The following SHANK1 variants were observed in gnomAD, a reference collection of about 807,000 sequenced individuals.
The protein encoded by SHANK1 is SH3 and multiple ankyrin repeat domains protein 1.
SHANK1 carries 35 observed loss-of-function variants against 165.6 expected under a neutral mutation model. The ratio of observed to expected loss-of-function variants is 0.21; its 90% CI spans 0.16 to 0.28. SHANK1 has a LOEUF of 0.28. Among genes scored for constraint, SHANK1 ranks in the 10% least tolerant of loss-of-function variants. The pLI, the probability that SHANK1 is intolerant of heterozygous loss-of-function variation, is 1.00. For missense variants in SHANK1, 2,681 were observed against 3,036.4 expected, an observed-to-expected ratio of 0.88 and a Z score of 2.75; for synonymous variants, 1,428 against 1,384.8, an observed-to-expected ratio of 1.03 and a Z score of -0.69.
intron 21 of SHANK1, among the ~76,000 whole-genome samples, chr19:50,677,058 A>G (rs1986006846): frequency 2.0e-5 from 3 of 152,148 alleles, no homozygotes; most frequent in Admixed American, 2.0e-4. Context: ...GTGGAGCAGA[A>G]ATTGAGAAGG....
intron 12 of SHANK1, among the ~76,000 whole-genome samples, chr19:50,698,609 A>C (rs1228025009): frequency 6.6e-6 from 1 of 152,040 alleles, no homozygotes; most frequent in Non-Finnish European, 1.5e-5. Context: ...ATATGACAAG[A>C]ACAGCTAATG....
intron 21 of SHANK1, among the ~76,000 whole-genome samples, chr19:50,681,320 C>T (rs779842375): frequency 1.3e-5 from 2 of 152,042 alleles, no homozygotes; most frequent in Non-Finnish European, 2.9e-5. Flanking sequence ...GAAGAAAAGG[C>T]GAGGGGGATG....
At position 50,711,376 on chromosome 19, in the gene SHANK1, T is replaced by C; in HGVS notation, c.1072A>G (p.Asn358Asp). 1.3e-6 allele frequency: 2 copies of C among 1,554,420 alleles called. No individual in the cohort carries two copies. Among genetic ancestry groups the C allele is most frequent in the Non-Finnish European group, 1.7e-6 (2 of 1,148,488 alleles). The change falls in exon 8 of 24, where the codon AAC becomes GAC. Residue 358 changes from asparagine to aspartate, a missense_variant. Around this residue, in one of 10 missense-constraint regions of SHANK1, gnomAD observed 189 missense variants for 440.9 expected, o/e 0.43. Transcript: ENST00000293441. ...NTALHICALY[N>D]KETCARILLY... The stretch of plus-strand genomic sequence containing the variant: ...GTGGCCGCTGCTAGGCAGACCTTGT[T>C]GTAGAGGGCGCAGATGTGCAGAGCC...
chr19:50,666,290 A>G lies in SHANK1; in HGVS notation c.5670T>C (p.Ala1890=), dbSNP rs1204177931. ...CACTGCCTCCTCGGGCCCAGGGCAGAGCGCCGCCAGCTGCCGAGGAGCCCC... is the reference window on the plus strand; with the variant it reads ...CACTGCCTCCTCGGGCCCAGGGCAGGGCGCCGCCAGCTGCCGAGGAGCCCC... ...QFGGSSAAGG[A]LPWARGGSGG... is the part of the protein sequence containing the mutation. Residue 1890 remains alanine (A), a synonymous_variant, in exon 23 of 24, where the codon GCT becomes GCC. Coordinates refer to ENST00000293441, the MANE Select transcript of SHANK1 (RefSeq NM_016148.5). The G allele has an allele frequency of 1.2e-6, 2 of 1,611,856 alleles. No homozygotes were observed. The highest frequency in any genetic ancestry group is 4.5e-5 in the East Asian group (2 of 44,814).
intron 8 of SHANK1, among the ~76,000 whole-genome samples, chr19:50,708,197 A>T (rs1393747512): frequency 6.6e-6 from 1 of 151,978 alleles, no homozygotes; most frequent in Non-Finnish European, 1.5e-5. Context: ...CGCCTGCTTC[A>T]GCCTCCCAAA....
At position 50,667,784 on chromosome 19, in the gene SHANK1, C is replaced by T; in HGVS notation, c.4176G>A (p.Pro1392=). ...SPRYEAPPPT[P]HHHSPHAHHE... ...GGTGGGCGTGGGGCGAGTGGTGGTGCGGGGTGGGCGGCGGGGCCTCGTAGC... is the reference window on the plus strand; with the variant it reads ...GGTGGGCGTGGGGCGAGTGGTGGTGTGGGGTGGGCGGCGGGGCCTCGTAGC... Residue 1392 remains proline, a synonymous_variant, in exon 23 of 24, where the codon CCG becomes CCA. Transcript: ENST00000293441. The surrounding 1 kb of genome is among the most constrained non-coding windows in gnomAD (Gnocchi z 5.7). 1 of 184,322 alleles carries T rather than the reference C, an allele frequency of 5.4e-6. No homozygotes were observed. Among genetic ancestry groups the T allele is most frequent in the Non-Finnish European group, 7.2e-6 (1 of 138,488 alleles). The allele number at this position is 184,322 out of a possible 1,614,324, so 11.4% of individuals were successfully genotyped here.
At chr19:50,695,858 C>T (rs1247573445) in intron 15 of SHANK1, among the ~76,000 whole-genome samples, 2 of 150,792 alleles carry the variant, frequency 1.3e-5, no homozygotes, top group African/African-American at 4.9e-5. Flanking sequence ...CCCGAGAGAG[C>T]GTGGACCCCG....
In SHANK1 at chr19:50,718,088, A is replaced by C. The variant is rs1480744752; in HGVS notation, c.-43-1126T>G. ...CACCGTTGCCATGGAGATGGGAAGC[A>C]GTGGAGGGTACTGCTGACTTTGGGG... On this transcript the variant is annotated intron_variant, in intron 1 of 23. Transcript: ENST00000293441. This position sits in a 1 kb window ranked among gnomAD's most constrained non-coding sequence, Gnocchi z 5.1. Among the ~76,000 whole-genome samples, 1 of 151,594 alleles carries C rather than the reference A, an allele frequency of 6.6e-6. No individual in the cohort carries two copies. Among genetic ancestry groups the C allele is most frequent in the Non-Finnish European group, 1.5e-5 (1 of 67,882 alleles).
At position 50,702,502 on chromosome 19, in the gene SHANK1, C is replaced by T; in HGVS notation, c.1712G>A (p.Gly571Glu). ...AVKSYQAQAE[G>E]EISLSKGEKI... ...CTCGCCCTTGCTCAGGGAGATCTCC[C>T]CCTCGGCTTGGGCCTGGTAGGACTT... Residue 571 changes from glycine to glutamate, a missense_variant, in exon 12 of 24, where the codon GGG becomes GAG. Around this residue, in one of 10 missense-constraint regions of SHANK1, gnomAD observed 195 missense variants for 186.2 expected, o/e 1.05. Coordinates refer to ENST00000293441, the MANE Select transcript of SHANK1 (RefSeq NM_016148.5). This position sits in a 1 kb window ranked among gnomAD's most constrained non-coding sequence, Gnocchi z 5.3. The T allele has an allele frequency of 6.2e-7, 1 of 1,613,272 alleles. No homozygotes were observed. Among genetic ancestry groups the T allele is most frequent in the Non-Finnish European group, 8.5e-7 (1 of 1,179,840 alleles).
chr19:50,711,805 A>T, intron 7 of SHANK1, 142 bp downstream of exon 7: 1 of 1,004,228 alleles, frequency 1.0e-6, no homozygotes, highest in Non-Finnish European at 1.5e-6. Flanking sequence ...CTTCACCCCC[A>T]CCATTTCCTC....
chr19:50,695,871 C>A (rs996331320), intron 15 of SHANK1, among the ~76,000 whole-genome samples: 1 of 149,520 alleles, frequency 6.7e-6, no homozygotes, highest in Non-Finnish European at 1.5e-5. Flanking sequence ...GGACCCCGAG[C>A]CAGCGCGGGG....
chr19:50,687,720 C>T, intron 18 of SHANK1, 58 bp from the exon 19 acceptor site: 2 of 1,412,784 alleles, frequency 1.4e-6, no homozygotes, highest in Non-Finnish European at 1.9e-6. Flanking sequence ...CCACCACCCT[C>T]TACCACCACA....
rs1985125270 is a variant in SHANK1, at chr19:50,659,878, C to G, written c.*2087G>C. Among the ~76,000 whole-genome samples, 1 of 150,280 alleles carries G rather than the reference C, an allele frequency of 6.7e-6. No individual in the cohort carries two copies. On this transcript the variant is annotated 3_prime_UTR_variant, in exon 24 of 24. Transcript: ENST00000293441. Reference sequence around the variant, plus strand: ...AGGCCCCCTGCGGACTGGGGGCATCCGACAAGGGGGAGGGGGCGGGTAGGG... The same window carrying G: ...AGGCCCCCTGCGGACTGGGGGCATCGGACAAGGGGGAGGGGGCGGGTAGGG...
intron 8 of SHANK1, among the ~76,000 whole-genome samples, chr19:50,708,440 A>C (rs530651818): frequency 1.3e-5 from 2 of 152,082 alleles, no homozygotes; most frequent in Non-Finnish European, 2.9e-5. Flanking sequence ...TGTCGTAGCC[A>C]TGATTTGCTT....
chr19:50,709,889 G>C (rs549116191), intron 8 of SHANK1, among the ~76,000 whole-genome samples: 72 of 152,316 alleles, frequency 4.7e-4, no homozygotes, highest in African/African-American at 1.7e-3. Flanking sequence ...TATCTGAACG[G>C]TACAGTTTCT....
chr19:50,665,647 G>C (rs1218348057), intron 23 of SHANK1, among the ~76,000 whole-genome samples: 1 of 148,702 alleles, frequency 6.7e-6, no homozygotes, highest in African/African-American at 2.5e-5. Flanking sequence ...TAGTCCCAGA[G>C]GATTGCTTGA....
At chr19:50,696,680 G>A (rs957620365) in intron 15 of SHANK1, among the ~76,000 whole-genome samples, 3 of 151,738 alleles carry the variant, frequency 2.0e-5, no homozygotes, top group South Asian at 4.2e-4. Flanking sequence ...TCAGACAGAC[G>A]CACATGCATG....
At position 50,668,180 on chromosome 19, in the gene SHANK1, G is replaced by A. The variant is rs1985629075; in HGVS notation, c.3780C>T (p.Thr1260=). 3 of 1,485,176 alleles carry A rather than the reference G, an allele frequency of 2.0e-6. 1 individual carries two copies. Among genetic ancestry groups the A allele is most frequent in the South Asian group, 2.6e-5 (2 of 76,594 alleles). The allele number at this position is 1,485,176 out of a possible 1,614,324, so 92.0% of individuals were successfully genotyped here. The change falls in exon 23 of 24, where the codon ACC becomes ACT. Residue 1260 remains threonine (T), a synonymous_variant. Transcript: ENST00000293441. ...CCCCGCCGTCCTCGTCCCCCGCGTC[G>A]GTGGACAGGAACAGCGTGGAGCGCC... ...ARRRSTLFLS[T]DAGDEDGGDG... is the part of the protein sequence containing the mutation.
intron 8 of SHANK1, among the ~76,000 whole-genome samples, chr19:50,709,485 G>A (rs1024338859): frequency 6.6e-6 from 1 of 152,084 alleles, no homozygotes; most frequent in Non-Finnish European, 1.5e-5. Context: ...AGCTGAGAAA[G>A]GAGATCAAGG....
Sources: gnomAD v4.1 joint callset for allele counts (sites outside exome capture counted in the v4.1 genomes callset) on GRCh38, gnomAD v4.1.1 for gene constraint, gnomAD v4.1.1 regional missense constraint, Gnocchi (gnomAD v3.1) non-coding constraint, MANE v1.5 for transcripts, NCBI Gene and HGNC (gene_info 2026-07-23, HGNC 2026-07-21) for gene names.